PSD3: variants seen among roughly 807,000 people sequenced by gnomAD.
PSD3 encodes PH and SEC7 domain-containing protein 3.
A neutral mutation model predicts 105.5 loss-of-function variants in PSD3; 49 were observed. That is an observed-to-expected ratio of 0.46 (90% CI 0.37 to 0.59). The LOEUF is 0.59. PSD3 is among the 20% of genes least tolerant of loss of function. PSD3 has a pLI of 0.00. For missense variants in PSD3, 1,561 were observed against 1,263.8 expected (o/e 1.24, Z -3.57); for synonymous variants, 557 against 457.8 (o/e 1.22, Z -2.77).
At chr8:18,918,874 C>T (rs918320106) in intron 2 of PSD3, among the ~76,000 whole-genome samples, 4 of 152,116 alleles carry the variant, frequency 2.6e-5, no homozygotes, top group Admixed American at 6.6e-5. Context: ...ATTCAGTCGT[C>T]ATTCATAAGT....
At chr8:18,920,598 T>C (rs2129467112) in intron 2 of PSD3, among the ~76,000 whole-genome samples, 1 of 152,348 alleles carries the variant, frequency 6.6e-6, no homozygotes, top group East Asian at 1.9e-4. Flanking sequence ...GAAAACTCAC[T>C]GATACTTAAA....
intron 15 of PSD3, among the ~76,000 whole-genome samples, chr8:18,536,754 C>CT (rs890677422): frequency 1.9e-4 from 28 of 151,290 alleles, no homozygotes; most frequent in Non-Finnish European, 3.8e-4. Flanking sequence ...GGCTCTGGCA[C>CT]TTTTTTTTTC....
intron 12 of PSD3, among the ~76,000 whole-genome samples, chr8:18,576,395 T>C (rs1802465893): frequency 6.6e-6 from 1 of 152,160 alleles, no homozygotes; most frequent in Non-Finnish European, 1.5e-5. Flanking sequence ...AGAAGTGCTA[T>C]TGACAATGAC....
chr8:18,562,962 A>C (rs1056683047), intron 14 of PSD3, among the ~76,000 whole-genome samples: 1 of 152,028 alleles, frequency 6.6e-6, no homozygotes, highest in Admixed American at 6.6e-5. Flanking sequence ...AACCAAACCT[A>C]TGTTACTCTA....
At chr8:18,991,289 AT>A (rs1825775604) in intron 1 of PSD3, among the ~76,000 whole-genome samples, 1 of 152,098 alleles carries the variant, frequency 6.6e-6, no homozygotes, top group African/African-American at 2.4e-5. Flanking sequence ...CTACAGAGTC[AT>A]AAGGTGATGT....
At chr8:18,623,656 A>T (rs1806285995) in intron 11 of PSD3, among the ~76,000 whole-genome samples, 1 of 151,518 alleles carries the variant, frequency 6.6e-6, no homozygotes, top group Admixed American at 6.6e-5. Flanking sequence ...AAAAAAAAAA[A>T]AAAAATTGTA....
chr8:18,679,827 T>G (rs191676760), intron 9 of PSD3, among the ~76,000 whole-genome samples: 4 of 152,192 alleles, frequency 2.6e-5, no homozygotes, highest in Non-Finnish European at 5.9e-5. Flanking sequence ...TCACAGAAAT[T>G]GATTTCTTTG....
intron 9 of PSD3, among the ~76,000 whole-genome samples, chr8:18,665,384 AAC>A (rs1201167297): frequency 6.6e-6 from 1 of 152,256 alleles, no homozygotes; most frequent in Non-Finnish European, 1.5e-5. Context: ...TGGAAACAGT[AAC>A]ACAGCTAGAA....
intron 2 of PSD3, among the ~76,000 whole-genome samples, chr8:18,903,292 A>C (rs334746): frequency 0.11 from 16,692 of 152,126 alleles, 1,134 homozygotes; most frequent in African/African-American, 0.19. Context: ...GGTCCCAGGG[A>C]ATGAGTCACC....
intron 15 of PSD3, among the ~76,000 whole-genome samples, chr8:18,551,053 C>A (rs1800739856): frequency 1.3e-5 from 2 of 152,166 alleles, no homozygotes; most frequent in South Asian, 2.1e-4. Flanking sequence ...AGACCACTTG[C>A]AGCTTAATTG....
intron 10 of PSD3, among the ~76,000 whole-genome samples, chr8:18,650,494 C>G (rs1350851605): frequency 6.6e-6 from 1 of 152,202 alleles, no homozygotes; most frequent in African/African-American, 2.4e-5. Flanking sequence ...GGTCATGGTC[C>G]TATATGACGT....
intron 1 of PSD3, among the ~76,000 whole-genome samples, chr8:18,978,464 T>TC (rs1180247811): frequency 1.3e-5 from 2 of 152,188 alleles, no homozygotes; most frequent in East Asian, 3.9e-4. Context: ...TTGCTAAGAT[T>TC]CAAAAAATCT....
At chr8:18,952,494 C>T (rs1288948319) in intron 1 of PSD3, among the ~76,000 whole-genome samples, 1 of 152,136 alleles carries the variant, frequency 6.6e-6, no homozygotes, top group Non-Finnish European at 1.5e-5. Flanking sequence ...TCTGGTTCAA[C>T]GCGGTTAACA....
At chr8:18,667,991 G>T (rs949459975) in intron 9 of PSD3, among the ~76,000 whole-genome samples, 1 of 152,238 alleles carries the variant, frequency 6.6e-6, no homozygotes, top group Non-Finnish European at 1.5e-5. Flanking sequence ...GGGGCCCGCG[G>T]AAGCCACACC....
intron 1 of PSD3, among the ~76,000 whole-genome samples, chr8:19,021,560 A>T (rs1426914): frequency 7.6e-6 from 1 of 131,422 alleles, no homozygotes; most frequent in Non-Finnish European, 1.8e-5. Flanking sequence ...TTTTGTTACA[A>T]AAAAAAAAAA....
intron 4 of PSD3, among the ~76,000 whole-genome samples, chr8:18,860,051 T>C (rs992757871): frequency 2.6e-5 from 4 of 152,140 alleles, no homozygotes; most frequent in African/African-American, 2.4e-5. Flanking sequence ...TTATTTAAAG[T>C]GAGAGACATG....
intron 12 of PSD3, among the ~76,000 whole-genome samples, chr8:18,579,562 AT>A (rs1802678971): frequency 6.6e-6 from 1 of 152,210 alleles, no homozygotes; most frequent in African/African-American, 2.4e-5. Context: ...CAAGAATGTG[AT>A]TTCACAATGC....
chr8:18,875,965 G>A (rs899014972), intron 2 of PSD3, among the ~76,000 whole-genome samples: 1 of 152,098 alleles, frequency 6.6e-6, no homozygotes, highest in Admixed American at 6.5e-5. Context: ...GGTCTATCCT[G>A]GACACTTCAT....
chr8:18,826,238 C>A (rs942159872), intron 4 of PSD3, among the ~76,000 whole-genome samples: 8 of 152,186 alleles, frequency 5.3e-5, no homozygotes, highest in Non-Finnish European at 7.3e-5. Flanking sequence ...CAGAGGCTTC[C>A]CTGGGTCTCC....
Sources: allele counts gnomAD v4.1 joint callset (sites outside exome capture counted in the v4.1 genomes callset), GRCh38; gene constraint gnomAD v4.1.1; transcripts MANE v1.5; gene names NCBI Gene and HGNC (gene_info 2026-07-23, HGNC 2026-07-21).